NAV3: variants seen among roughly 807,000 people sequenced by gnomAD.
NAV3 encodes the protein pore membrane and/or filament interacting like protein 1.
Under a neutral mutation model 244.7 loss-of-function variants are expected in NAV3, and 87 were observed. The observed-to-expected ratio is 0.36, with a 90% CI of 0.30 to 0.42. NAV3 has a LOEUF of 0.42. Ranked by LOEUF, NAV3 falls within the 20% of genes least tolerant of loss-of-function variation. The pLI is 1.00. For synonymous variants in NAV3, 1,126 were observed against 1,042.2 expected, an observed-to-expected ratio of 1.08 and a Z score of -1.55; for missense variants, 2,663 against 2,893.3, an observed-to-expected ratio of 0.92 and a Z score of 1.83.
Position 78,148,944 on chromosome 12 carries a change from T to C in NAV3, c.4785+25T>C, listed in dbSNP as rs757182869. Reference sequence around the variant, plus strand: ...TGTAAGTCACTTCATTTTTAAAATATATTACAACAAATTTTTATAGAGGAA... The same window carrying C: ...TGTAAGTCACTTCATTTTTAAAATACATTACAACAAATTTTTATAGAGGAA... On this transcript the variant is annotated intron_variant, in intron 22 of 39. Coordinates refer to ENST00000397909, the MANE Select transcript of NAV3 (RefSeq NM_001024383.2). 4.5e-6 allele frequency: 7 copies of C among 1,563,364 alleles called. No homozygotes were observed. The African/African-American group carries it at 8.2e-5, about 18-fold the overall frequency.
chr12:77,605,775 G>T (rs1413143120), intron 2 of NAV3, among the ~76,000 whole-genome samples: 2 of 151,786 alleles, frequency 1.3e-5, no homozygotes, highest in Admixed American at 6.6e-5. Context: ...AGAGGCAGAG[G>T]TTGCAGTGAG....
At chr12:78,079,655 C>T (rs770873006) in intron 12 of NAV3, among the ~76,000 whole-genome samples, 2 of 152,174 alleles carry the variant, frequency 1.3e-5, no homozygotes, top group Non-Finnish European at 2.9e-5. Flanking sequence ...TGAAAACTCT[C>T]ACTTCTTTAC....
chr12:77,648,827 T>G (rs1853794053), intron 2 of NAV3, among the ~76,000 whole-genome samples: 1 of 152,104 alleles, frequency 6.6e-6, no homozygotes, highest in Admixed American at 6.6e-5. Flanking sequence ...TCAGGGTGCC[T>G]ATTGAGTAAA....
chr12:77,595,489 C>T (rs188128980), intron 2 of NAV3, among the ~76,000 whole-genome samples: 1 of 152,086 alleles, frequency 6.6e-6, no homozygotes, highest in African/African-American at 2.4e-5. Flanking sequence ...TATAAATAAT[C>T]GTATTGTATA....
intron 5 of NAV3, among the ~76,000 whole-genome samples, chr12:77,970,204 A>G (rs914756092): frequency 6.6e-6 from 1 of 152,176 alleles, no homozygotes; most frequent in Admixed American, 6.5e-5. Flanking sequence ...AAATATAAAC[A>G]CTTGTCAACA....
chr12:77,742,456 A>G (rs767782197), intron 2 of NAV3, among the ~76,000 whole-genome samples: 9 of 152,038 alleles, frequency 5.9e-5, no homozygotes, highest in Non-Finnish European at 1.3e-4. Flanking sequence ...TTTTTTGGAG[A>G]TTTGTGACAG....
At chr12:78,109,764 A>T (rs2853469) in intron 12 of NAV3, among the ~76,000 whole-genome samples, 54,980 of 151,644 alleles carry the variant, frequency 0.36, 10,708 homozygotes, top group Non-Finnish European at 0.46. Flanking sequence ...ATGAAAAAAA[A>T]CTCTAAAACT....
chr12:77,985,681 C>T (rs1018193233), intron 5 of NAV3, among the ~76,000 whole-genome samples: 3 of 151,996 alleles, frequency 2.0e-5, no homozygotes, highest in Non-Finnish European at 4.4e-5. Flanking sequence ...CTTTATTGTA[C>T]GTAGAACAAC....
intron 2 of NAV3, among the ~76,000 whole-genome samples, chr12:77,820,994 A>G (rs533417667): frequency 6.6e-6 from 1 of 152,166 alleles, no homozygotes; most frequent in East Asian, 1.9e-4. Context: ...GTTGAAAAAG[A>G]GGTATCTAGC....
chr12:78,047,673 C>A (rs1380977772), intron 9 of NAV3, among the ~76,000 whole-genome samples: 1 of 152,152 alleles, frequency 6.6e-6, no homozygotes, highest in Non-Finnish European at 1.5e-5. Flanking sequence ...GTGAATCTGA[C>A]AATTACGTGT....
intron 2 of NAV3, among the ~76,000 whole-genome samples, chr12:77,675,320 A>G (rs1329660288): frequency 6.6e-6 from 1 of 152,192 alleles, no homozygotes; most frequent in African/African-American, 2.4e-5. Context: ...AGGCAAGTCA[A>G]CAGTTCTTAG....
chr12:77,812,506 C>T (rs1401563857), intron 2 of NAV3, among the ~76,000 whole-genome samples: 1 of 151,806 alleles, frequency 6.6e-6, no homozygotes, highest in Admixed American at 6.6e-5. Context: ...CCTCCACCTT[C>T]TGGGTTCAAG....
intron 2 of NAV3, among the ~76,000 whole-genome samples, chr12:77,778,470 G>A (rs1345324770): frequency 6.6e-6 from 1 of 151,736 alleles, no homozygotes. Context: ...AAATTAGCCA[G>A]GCATGGTGGC....
intron 8 of NAV3, among the ~76,000 whole-genome samples, chr12:78,012,229 A>G (rs1002761004): frequency 2.6e-5 from 4 of 152,202 alleles, no homozygotes; most frequent in African/African-American, 7.2e-5. Flanking sequence ...ACCCTCAATC[A>G]GACTTTCTTT....
chr12:77,846,335 T>A (rs997483108), intron 1 of NAV3, among the ~76,000 whole-genome samples: 1 of 152,254 alleles, frequency 6.6e-6, no homozygotes, highest in Non-Finnish European at 1.5e-5. Flanking sequence ...GAATGCAATG[T>A]ATTTAGAAAT....
intron 2 of NAV3, among the ~76,000 whole-genome samples, chr12:77,724,686 T>A (rs1440466672): frequency 6.6e-6 from 1 of 151,840 alleles, no homozygotes; most frequent in Non-Finnish European, 1.5e-5. Context: ...TCATATGGTA[T>A]CAATATCCTA....
chr12:77,645,558 A>AAAC (rs1565750999), intron 2 of NAV3, among the ~76,000 whole-genome samples: 128 of 150,502 alleles, frequency 8.5e-4, no homozygotes, highest in Non-Finnish European at 1.3e-3. Context: ...AAAAAAAAAA[A>AAAC]AACTTTCAAA....
intron 2 of NAV3, among the ~76,000 whole-genome samples, chr12:77,675,541 C>T (rs1874167278): frequency 6.6e-6 from 1 of 152,180 alleles, no homozygotes; most frequent in African/African-American, 2.4e-5. Flanking sequence ...ATTAGATTCC[C>T]ATTTGACTGA....
chr12:77,642,570 G>A (rs1872460243), intron 2 of NAV3, among the ~76,000 whole-genome samples: 1 of 152,058 alleles, frequency 6.6e-6, no homozygotes, highest in Admixed American at 6.6e-5. Context: ...AGGGTAGTAT[G>A]CGCTATGGGA....
Sources: allele counts gnomAD v4.1 joint callset (sites outside exome capture counted in the v4.1 genomes callset), GRCh38; gene constraint gnomAD v4.1.1; transcripts MANE v1.5; gene names NCBI Gene and HGNC (gene_info 2026-07-23, HGNC 2026-07-21).